The following EPB41 variants were observed in gnomAD, a reference collection of about 807,000 sequenced individuals.
The protein encoded by EPB41 is protein 4.1.
Under a neutral mutation model 108.0 loss-of-function variants are expected in EPB41, and 65 were observed. The observed-to-expected ratio is 0.60, with a 90% CI of 0.49 to 0.74. The LOEUF (loss-of-function observed/expected upper bound fraction) is 0.74, where lower values mean the gene tolerates loss of function less well. Among genes scored for constraint, EPB41 ranks in the 30% least tolerant of loss-of-function variants. The pLI is 0.00. For missense variants in EPB41, 875 were observed against 1,037.0 expected (o/e 0.84, Z 2.15); for synonymous variants, 336 against 358.9 (o/e 0.94, Z 0.72).
chr1:29,107,344 T>C (rs1052730737), intron 17 of EPB41, among the ~76,000 whole-genome samples: 2 of 152,138 alleles, frequency 1.3e-5, no homozygotes, highest in African/African-American at 2.4e-5. Context: ...TGAGTCCTAG[T>C]TCAAACACCC....
At chr1:28,965,563 C>G (rs2095336399) in intron 1 of EPB41, among the ~76,000 whole-genome samples, 1 of 152,156 alleles carries the variant, frequency 6.6e-6, no homozygotes, top group African/African-American at 2.4e-5. Flanking sequence ...TTTTCAACAC[C>G]ATTGAAACAC....
chr1:29,032,471 A>C (rs1035165791), intron 8 of EPB41, among the ~76,000 whole-genome samples: 1 of 152,174 alleles, frequency 6.6e-6, no homozygotes, highest in Non-Finnish European at 1.5e-5. Flanking sequence ...TGTAGGCACT[A>C]ATATATTTCT....
intron 1 of EPB41, among the ~76,000 whole-genome samples, chr1:28,970,599 G>A (rs778583740): frequency 1.3e-5 from 2 of 151,982 alleles, no homozygotes; most frequent in African/African-American, 4.8e-5. Flanking sequence ...TATGTTTTCC[G>A]GGAGAGTTTA....
At chr1:29,008,365 G>A (rs1010516760) in intron 4 of EPB41, among the ~76,000 whole-genome samples, 1 of 152,120 alleles carries the variant, frequency 6.6e-6, no homozygotes, top group Non-Finnish European at 1.5e-5. Flanking sequence ...CTGGCTGTGT[G>A]CTTTTAGTAT....
rs751257027 is a variant in EPB41, at chr1:29,053,305, C to T, written c.1838C>T (p.Ala613Val). The change falls in exon 12 of 21, where the codon GCA becomes GTA. Residue 613 changes from alanine (A) to valine (V), a missense_variant. This residue lies in a region of EPB41 where 519 missense variants were observed against 627.3 expected (regional missense o/e 0.83). Transcript: ENST00000343067. The part of the protein sequence containing the change: ...PEQAEPEPTE[A>V]WKVEKTHIEV... ...CAAGCTGAGCCAGAGCCCACAGAAGCATGGAAGGTATGTCATCAGTCCAAA... is the reference window on the plus strand; with the variant it reads ...CAAGCTGAGCCAGAGCCCACAGAAGTATGGAAGGTATGTCATCAGTCCAAA... The T allele has an allele frequency of 6.2e-7, 1 of 1,614,184 alleles. No individual in the cohort carries two copies. Among genetic ancestry groups the T allele is most frequent in the South Asian group, 1.1e-5 (1 of 91,092 alleles).
intron 1 of EPB41, among the ~76,000 whole-genome samples, chr1:28,973,194 T>G (rs753317352): frequency 5.3e-5 from 8 of 152,180 alleles, no homozygotes; most frequent in Non-Finnish European, 8.8e-5. Flanking sequence ...CTAGTTTCTG[T>G]CCTCTGACTA....
chr1:29,013,817 C>A (rs1299085505), intron 5 of EPB41, among the ~76,000 whole-genome samples: 1 of 147,748 alleles, frequency 6.8e-6, no homozygotes, highest in East Asian at 2.1e-4. Flanking sequence ...GCGTGAGCCA[C>A]GGCGCCCAGC....
chr1:28,898,172 G>C (rs1345792946), intron 1 of EPB41, among the ~76,000 whole-genome samples: 1 of 152,124 alleles, frequency 6.6e-6, no homozygotes. Context: ...CAGGGAAGTA[G>C]GGCCCACGTC....
intron 1 of EPB41, among the ~76,000 whole-genome samples, chr1:28,949,790 G>C (rs2148939804): frequency 6.6e-6 from 1 of 152,012 alleles, no homozygotes. Context: ...TTTTAGTAGA[G>C]ACGAGGTTCT....
chr1:29,054,550 A>C (rs1380996532), intron 12 of EPB41: 37 of 151,150 alleles, frequency 2.4e-4, no homozygotes, highest in African/African-American at 8.0e-4. Context: ...AAAAAAAAAA[A>C]AAAAAAAAAA....
chr1:29,019,603 G>A (rs1327027356), intron 7 of EPB41, among the ~76,000 whole-genome samples: 1 of 152,148 alleles, frequency 6.6e-6, no homozygotes, highest in African/African-American at 2.4e-5. Flanking sequence ...CATGAGTTAG[G>A]TTGCAAAGTT....
chr1:29,075,579 A>C (rs1653677586), intron 16 of EPB41, among the ~76,000 whole-genome samples: 1 of 152,218 alleles, frequency 6.6e-6, no homozygotes, highest in African/African-American at 2.4e-5. Flanking sequence ...GAAAGATTGA[A>C]AGGTAGGGGA....
At chr1:28,915,731 C>CTTTTTTTTTTTTTTTTTTTTTTTGTTT (rs11321625) in intron 1 of EPB41, among the ~76,000 whole-genome samples, 2 of 56,076 alleles carry the variant, frequency 3.6e-5, no homozygotes, top group Admixed American at 2.6e-4. Flanking sequence ...TTTTCAGATG[C>CTTTTTTTTTTTTTTTTTTTTTTTGTTT]TTTTTTTTTT....
chr1:28,981,497 G>A (rs914130209), intron 1 of EPB41, among the ~76,000 whole-genome samples: 1 of 152,166 alleles, frequency 6.6e-6, no homozygotes, highest in Non-Finnish European at 1.5e-5. Context: ...CTTATGGACC[G>A]CCTCTGCACA....
chr1:28,986,365 A>G (rs2095869389), intron 1 of EPB41, among the ~76,000 whole-genome samples: 1 of 152,212 alleles, frequency 6.6e-6, no homozygotes, highest in Admixed American at 6.5e-5. Flanking sequence ...TTAGTAAAGT[A>G]GACGTGACAA....
chr1:29,042,411 A>G (rs1199978724), intron 11 of EPB41, among the ~76,000 whole-genome samples: 1 of 152,156 alleles, frequency 6.6e-6, no homozygotes, highest in African/African-American at 2.4e-5. Context: ...TGGAAAAAAG[A>G]TCACCTAAGC....
chr1:29,021,739 C>T (rs372264309), intron 7 of EPB41, among the ~76,000 whole-genome samples: 7 of 152,178 alleles, frequency 4.6e-5, no homozygotes, highest in East Asian at 1.9e-4. Context: ...CCAGCCACCA[C>T]GCCTAGCTAA....
chr1:28,939,027 GAAGT>G (rs1279983192), intron 1 of EPB41, among the ~76,000 whole-genome samples: 2 of 152,204 alleles, frequency 1.3e-5, no homozygotes, highest in Non-Finnish European at 2.9e-5. Context: ...ATGTTGAATA[GAAGT>G]GGTAAGAGTA....
chr1:29,104,665 C>T (rs1288911660), intron 17 of EPB41, among the ~76,000 whole-genome samples: 5 of 152,070 alleles, frequency 3.3e-5, no homozygotes, highest in Admixed American at 6.6e-5. Context: ...CTCACTGCAA[C>T]GTCTGCCTTC....
Sources: allele counts gnomAD v4.1 joint callset (sites outside exome capture counted in the v4.1 genomes callset), GRCh38; gene constraint gnomAD v4.1.1; regional missense constraint gnomAD v4.1.1; transcripts MANE v1.5; gene names NCBI Gene and HGNC (gene_info 2026-07-23, HGNC 2026-07-21).